Variants in ENPEP observed in about 807,000 individuals in gnomAD.
ENPEP encodes the protein AP-A.
A neutral mutation model predicts 114.5 loss-of-function variants in ENPEP; 103 were observed. The observed-to-expected ratio is 0.90, with a 90% confidence interval of 0.77 to 1.06. The LOEUF (loss-of-function observed/expected upper bound fraction) is 1.06, where lower values mean the gene tolerates loss of function less well. ENPEP is among the 50% of genes least tolerant of loss of function. The probability of loss-of-function intolerance (pLI) is 0.00; values close to 1 mark genes in which losing one functional copy is unlikely to be tolerated. For missense variants in ENPEP, 1,196 were observed against 1,161.3 expected, an observed-to-expected ratio of 1.03 and a Z score of -0.43; for synonymous variants, 420 against 422.0, an observed-to-expected ratio of 1.00 and a Z score of 0.06.
At position 110,476,615 on chromosome 4, in the gene ENPEP, C is replaced by T. The variant is rs148668096; in HGVS notation, c.201C>T (p.Pro67=). 9 of 1,614,100 alleles carry T rather than the reference C, an allele frequency of 5.6e-6. No individual in the cohort carries two copies. Among genetic ancestry groups the T allele is most frequent in the Non-Finnish European group, 5.1e-6 (6 of 1,180,056 alleles). ...ACCTGCCTTCTTCCACGGCCAGCCC[C>T]TCAGGTCCTCCTGCCCAGGACCAGG... ...PSHLPSSTAS[P]SGPPAQDQDI... Residue 67 remains proline (P), a synonymous_variant, in exon 1 of 20, where the codon CCC becomes CCT. Transcript: ENST00000265162.
At position 110,514,347 on chromosome 4, in the gene ENPEP, T is replaced by G. The variant is rs185622473; in HGVS notation, c.1443+798T>G. On this transcript the variant is annotated intron_variant, in intron 7 of 19. Coordinates refer to ENST00000265162, the MANE Select transcript of ENPEP (RefSeq NM_001977.4). The stretch of plus-strand genomic sequence containing the variant: ...AAATGAATACTTGAGTGAAAAAGCT[T>G]CTATGTATTAGCATTTGAAATTCTT... Among the ~76,000 whole-genome samples, 443 of 152,186 alleles carry G rather than the reference T, an allele frequency of 2.9e-3. 2 individuals carry two copies. Among genetic ancestry groups the G allele is most frequent in the African/African-American group, 0.01 (422 of 41,572 alleles).
At chr4:110,479,902 A>G (rs1724247996) in intron 1 of ENPEP, among the ~76,000 whole-genome samples, 1 of 152,248 alleles carries the variant, frequency 6.6e-6, no homozygotes. Context: ...GTCTCCATTA[A>G]TAAGTTTCTA....
At position 110,549,637 on chromosome 4, in the gene ENPEP, T is replaced by G. The variant is rs966741075; in HGVS notation, c.2330+5T>G. On this transcript the variant is annotated splice_donor_5th_base_variant and intron_variant, in intron 16 of 19. Transcript: ENST00000265162. ...GTGGCTAAATGGGACTGTAAGGTGA[T>G]TACTCACATTGTTATGCTTAGAAGA... 2 of 1,613,290 alleles carry G rather than the reference T, an allele frequency of 1.2e-6. No homozygotes were observed. Among genetic ancestry groups the G allele is most frequent in the African/African-American group, 2.7e-5 (2 of 74,866 alleles).
chr4:110,506,262 G>A (rs1725366871), intron 3 of ENPEP: 1 of 158,536 alleles, frequency 6.3e-6, no homozygotes, highest in Non-Finnish European at 1.4e-5. Flanking sequence ...TTGATAGGTG[G>A]GTATATGGAT....
In ENPEP at chr4:110,476,232, TG is replaced by T; in HGVS notation, c.-181del. On this transcript the variant is annotated 5_prime_UTR_variant, in exon 1 of 20. Transcript: ENST00000265162. ...CCCTTGTTTCCGCATTCATCCTGAG[TG>T]GCTGGTGGGAACGTGAAAAGGGAGA... 1 of 654,694 alleles carries T rather than the reference TG, an allele frequency of 1.5e-6. No individual in the cohort carries two copies. Among genetic ancestry groups the T allele is most frequent in the Non-Finnish European group, 2.4e-6 (1 of 411,582 alleles). The allele number at this position is 654,694 out of a possible 1,614,324, so 40.6% of individuals were successfully genotyped here. A position where few individuals can be genotyped will look rare whatever the true frequency, so the allele number is the denominator to read the frequency against.
Position 110,519,993 on chromosome 4 carries a change from AT to A in ENPEP, c.1510-9del. On this transcript the variant is annotated splice_polypyrimidine_tract_variant and intron_variant, in intron 8 of 19. Transcript: ENST00000265162. ...AACATTGACTTCTAACATGCTGATT[AT>A]TTTTTACACACAGATGTACTTGGAA... 1 of 1,609,670 alleles carries A rather than the reference AT, an allele frequency of 6.2e-7. No individual in the cohort carries two copies. The highest frequency in any genetic ancestry group is 8.5e-7 in the Non-Finnish European group (1 of 1,177,600).
Position 110,506,773 on chromosome 4 carries a change from T to A in ENPEP, c.1039+16T>A, listed in dbSNP as rs759386466. The A allele has an allele frequency of 2.0e-6, 3 of 1,488,542 alleles. No individual in the cohort carries two copies. The highest frequency in any genetic ancestry group is 1.4e-5 in the African/African-American group (1 of 70,406). 92.2% of individuals were successfully genotyped at this position (1,488,542 alleles called of 1,614,324 possible). On this transcript the variant is annotated intron_variant, in intron 4 of 19. Transcript: ENST00000265162. ...CCTAAATTAGGTGAGGATCATTTTT[T>A]AATTTTCTTATTTTTAATATTGCCT... is the stretch of plus-strand genomic sequence containing the variant.
chr4:110,488,872 G>A (rs1236131818), intron 2 of ENPEP, among the ~76,000 whole-genome samples, 190 bp downstream of exon 2: 1 of 152,152 alleles, frequency 6.6e-6, no homozygotes, highest in Non-Finnish European at 1.5e-5. Flanking sequence ...AGGTATCACA[G>A]TCCAGTAAGA....
chr4:110,479,642 T>C (rs1246455559), intron 1 of ENPEP, among the ~76,000 whole-genome samples: 1 of 152,216 alleles, frequency 6.6e-6, no homozygotes, highest in African/African-American at 2.4e-5. Context: ...ACAATGATTT[T>C]TTAAAAGTGT....
At chr4:110,536,563 G>T (rs1394948413) in intron 11 of ENPEP, among the ~76,000 whole-genome samples, 2 of 152,210 alleles carry the variant, frequency 1.3e-5, no homozygotes, top group African/African-American at 4.8e-5. Context: ...TACCCAGGAA[G>T]AAAAGGGAAC....
intron 7 of ENPEP, among the ~76,000 whole-genome samples, chr4:110,514,028 T>C (rs1258102602): frequency 6.6e-6 from 1 of 152,120 alleles, no homozygotes; most frequent in Non-Finnish European, 1.5e-5. Flanking sequence ...TGTTAGCATA[T>C]TGTAGGTGAG....
Position 110,509,587 on chromosome 4 carries a change from T to C in ENPEP, c.1040-66T>C, listed in dbSNP as rs890177495. 5.2e-6 allele frequency: 8 copies of C among 1,530,126 alleles called. No individual in the cohort carries two copies. In the African/African-American group the frequency reaches 1.1e-4, roughly 21 times the overall value. The allele number at this position is 1,530,126 out of a possible 1,614,324, so 94.8% of individuals were successfully genotyped here. A position where few individuals can be genotyped will look rare whatever the true frequency, so the allele number is the denominator to read the frequency against. On this transcript the variant is annotated intron_variant, in intron 4 of 19. Transcript: ENST00000265162. Reference sequence around the variant, plus strand: ...AAACATTCATCCAAATAACTTAATTTGGTAAGAAAAGCTATGAACAAATGG... The same window carrying C: ...AAACATTCATCCAAATAACTTAATTCGGTAAGAAAAGCTATGAACAAATGG...
chr4:110,502,913 T>A lies in ENPEP; in HGVS notation c.919-3724T>A, dbSNP rs1030238821. 4.6e-5 allele frequency among the ~76,000 whole-genome samples: 7 copies of A among 152,178 alleles called. No individual in the cohort carries two copies. The East Asian group carries it at 9.6e-4, about 21-fold the overall frequency. On this transcript the variant is annotated intron_variant, in intron 3 of 19. Coordinates refer to ENST00000265162, the MANE Select transcript of ENPEP (RefSeq NM_001977.4). ...TCTTATTCGATGTTTTCTTTTTTTT[T>A]AATTATTATACTTTAAGTTCTAGGG...
chr4:110,517,141 C>T (rs895430909), intron 8 of ENPEP, among the ~76,000 whole-genome samples: 17 of 151,880 alleles, frequency 1.1e-4, no homozygotes, highest in Non-Finnish European at 2.1e-4. Flanking sequence ...GGTGTCGCCA[C>T]GTTGCCCAGG....
rs35037890 is a variant in ENPEP at position 110,511,761 on chromosome 4, CTT to C, written c.1308+1415_1308+1416del. 2.0e-3 allele frequency among the ~76,000 whole-genome samples: 293 copies of C among 145,606 alleles called. 4 individuals are homozygous for C. Among genetic ancestry groups the C allele is most frequent in the African/African-American group, 6.0e-3 (237 of 39,706 alleles). On this transcript the variant is annotated intron_variant, in intron 6 of 19. Transcript: ENST00000265162. The stretch of plus-strand genomic sequence containing the variant: ...CATTCCTTCATCTATTCATTCATTC[CTT>C]TTTTTTTTTTTCCTTTTTGAGATGG...
chr4:110,479,572 A>G (rs1724236213), intron 1 of ENPEP, among the ~76,000 whole-genome samples: 1 of 152,126 alleles, frequency 6.6e-6, no homozygotes, highest in African/African-American at 2.4e-5. Context: ...AATATGTCCC[A>G]AACTCCATTT....
rs903091557 is a variant in ENPEP at position 110,565,110 on chromosome 4, C to A, written c.*3552C>A. The A allele has an allele frequency of 6.6e-6, 1 of 152,180 alleles. No individual in the cohort carries two copies. Among genetic ancestry groups the A allele is most frequent in the African/African-American group, 2.4e-5 (1 of 41,432 alleles). The allele number at this position is 152,180 out of a possible 1,614,324, so 9.4% of individuals were successfully genotyped here. ...GTTCTTTCTCCTCCTCCTTCCTCTACTTCAGGGTTTAGCGACCTTTTGCCT... is the reference window on the plus strand; with the variant it reads ...GTTCTTTCTCCTCCTCCTTCCTCTAATTCAGGGTTTAGCGACCTTTTGCCT... On this transcript the variant is annotated 3_prime_UTR_variant, in exon 20 of 20. Transcript: ENST00000265162.
At chr4:110,519,609 C>G (rs761384712) in intron 8 of ENPEP, 52 of 181,084 alleles carry the variant, frequency 2.9e-4, no homozygotes, top group Middle Eastern at 1.2e-3. Context: ...AATAATGTCC[C>G]CAATTCATCC....
chr4:110,538,789 C>T (rs555119300), intron 11 of ENPEP, among the ~76,000 whole-genome samples: 1 of 151,988 alleles, frequency 6.6e-6, no homozygotes, highest in East Asian at 1.9e-4. Context: ...ACACTTGAGG[C>T]CATTGAAGAA....
Sources: allele counts gnomAD v4.1 joint callset (sites outside exome capture counted in the v4.1 genomes callset), GRCh38; gene constraint gnomAD v4.1.1; transcripts MANE v1.5; gene names NCBI Gene and HGNC (gene_info 2026-07-23, HGNC 2026-07-21).